The following DRC11 variants were observed in gnomAD, a reference collection of about 807,000 sequenced individuals.
The protein encoded by DRC11 is IQ and AAA domain-containing protein 1.
At chr2:236,331,328 C>T in the DRC11 span, 1 of 1,490,988 alleles carries the variant, frequency 6.7e-7, no homozygotes. The surrounding 1 kb of genome is among the most constrained non-coding windows in gnomAD (Gnocchi z 4.8). Flanking sequence ...GTGTCTGCTG[C>T]TAAGACTTGG....
At chr2:236,408,979 T>C in the DRC11 span, 14 of 708,218 alleles carry the variant, frequency 2.0e-5, no homozygotes, top group Non-Finnish European at 3.7e-5. The surrounding 1 kb of genome is among the most constrained non-coding windows in gnomAD (Gnocchi z 5.5). Flanking sequence ...GGGTCATCCT[T>C]AGGGCAGCTC....
At chr2:236,368,261 G>A in the DRC11 span, 2 of 1,608,642 alleles carry the variant, frequency 1.2e-6, no homozygotes, top group Non-Finnish European at 1.7e-6. Context: ...TGGGTTCTAT[G>A]GACACCTGGC....
the DRC11 span, among the ~76,000 whole-genome samples, chr2:236,460,263 G>A: frequency 6.6e-6 from 1 of 152,150 alleles, no homozygotes; most frequent in Non-Finnish European, 1.5e-5. This position sits in a 1 kb window ranked among gnomAD's most constrained non-coding sequence, Gnocchi z 4.0. Context: ...AAACTGTCAG[G>A]TCAAGGACAC....
At chr2:236,507,224 C>T in the DRC11 span, 1 of 1,612,974 alleles carries the variant, frequency 6.2e-7, no homozygotes, top group Non-Finnish European at 8.5e-7. Context: ...GGGAAGCCCA[C>T]TCCATGGCTG....
At chr2:236,466,346 C>A in the DRC11 span, among the ~76,000 whole-genome samples, 1 of 152,146 alleles carries the variant, frequency 6.6e-6, no homozygotes, top group Admixed American at 6.5e-5. Context: ...ATATCATAGA[C>A]TGCAATTAAT....
At chr2:236,391,226 C>T in the DRC11 span, 1 of 152,174 alleles carries the variant, frequency 6.6e-6, no homozygotes, top group Non-Finnish European at 1.5e-5. The surrounding 1 kb of genome is among the most constrained non-coding windows in gnomAD (Gnocchi z 4.5). Flanking sequence ...GCCAGTCATC[C>T]TAAAAAGACC....
chr2:236,331,660 C>T, the DRC11 span: 15 of 1,249,086 alleles, frequency 1.2e-5, no homozygotes, highest in Non-Finnish European at 1.6e-5. This position sits in a 1 kb window ranked among gnomAD's most constrained non-coding sequence, Gnocchi z 4.8. Flanking sequence ...TGCCAGTTTC[C>T]CTCTCGGTTG....
the DRC11 span, among the ~76,000 whole-genome samples, chr2:236,376,852 T>A: frequency 6.6e-6 from 1 of 152,196 alleles, no homozygotes; most frequent in Non-Finnish European, 1.5e-5. This position sits in a 1 kb window ranked among gnomAD's most constrained non-coding sequence, Gnocchi z 5.7. Context: ...ACCTTGCTAG[T>A]AGGTTAAAAA....
the DRC11 span, among the ~76,000 whole-genome samples, chr2:236,337,751 G>A: frequency 1.4e-4 from 21 of 151,810 alleles, no homozygotes; most frequent in East Asian, 5.8e-4. This position sits in a 1 kb window ranked among gnomAD's most constrained non-coding sequence, Gnocchi z 4.9. Context: ...GTAAGCTCTC[G>A]TTGTATTTTA....
At chr2:236,402,475 G>A in the DRC11 span, among the ~76,000 whole-genome samples, 1 of 152,230 alleles carries the variant, frequency 6.6e-6, no homozygotes, top group Admixed American at 6.5e-5. The surrounding 1 kb of genome is among the most constrained non-coding windows in gnomAD (Gnocchi z 6.0). Context: ...CAAGGAAGAC[G>A]CAGGAAATGG....
At chr2:236,391,884 G>A in the DRC11 span, 3 of 1,025,366 alleles carry the variant, frequency 2.9e-6, no homozygotes, top group South Asian at 4.0e-5. The surrounding 1 kb of genome is among the most constrained non-coding windows in gnomAD (Gnocchi z 4.5). Context: ...GCAACAGGCG[G>A]CCCTCCTGGA....
chr2:236,355,147 G>A, the DRC11 span, among the ~76,000 whole-genome samples: 16 of 152,358 alleles, frequency 1.1e-4, no homozygotes, highest in Admixed American at 9.1e-4. Context: ...TCCAGGCAGG[G>A]GAAACAATGG....
At chr2:236,357,490 T>C in the DRC11 span, among the ~76,000 whole-genome samples, 179 of 127,414 alleles carry the variant, frequency 1.4e-3, 2 homozygotes, top group African/African-American at 5.3e-3. Context: ...TTATATATTA[T>C]AAATACATAT....
chr2:236,400,646 G>A, the DRC11 span, among the ~76,000 whole-genome samples: 1 of 152,206 alleles, frequency 6.6e-6, no homozygotes, highest in Non-Finnish European at 1.5e-5. This position sits in a 1 kb window ranked among gnomAD's most constrained non-coding sequence, Gnocchi z 7.9. Flanking sequence ...TCTCTATGCA[G>A]TGACAGGAGG....
At chr2:236,496,807 G>A in the DRC11 span, among the ~76,000 whole-genome samples, 1 of 152,196 alleles carries the variant, frequency 6.6e-6, no homozygotes, top group African/African-American at 2.4e-5. This position sits in a 1 kb window ranked among gnomAD's most constrained non-coding sequence, Gnocchi z 6.3. Flanking sequence ...TGGAAACAGA[G>A]GAGCGGGCGC....
the DRC11 span, among the ~76,000 whole-genome samples, chr2:236,373,279 C>T: frequency 5.9e-3 from 855 of 145,094 alleles, 9 homozygotes; most frequent in African/African-American, 0.02. Context: ...TTTTTTGCGA[C>T]GGAGTCCCGC....
At chr2:236,497,491 G>C in the DRC11 span, 3 of 1,586,246 alleles carry the variant, frequency 1.9e-6, no homozygotes, top group Non-Finnish European at 2.6e-6. This position sits in a 1 kb window ranked among gnomAD's most constrained non-coding sequence, Gnocchi z 5.1. Context: ...ATACATTCTG[G>C]GGGAAGAGAG....
At chr2:236,341,549 G>A in the DRC11 span, among the ~76,000 whole-genome samples, 1 of 152,174 alleles carries the variant, frequency 6.6e-6, no homozygotes, top group Non-Finnish European at 1.5e-5. Flanking sequence ...TGTGCAGGAG[G>A]ACAGAGAATT....
chr2:236,373,476 C>T, the DRC11 span, among the ~76,000 whole-genome samples: 17 of 152,216 alleles, frequency 1.1e-4, no homozygotes, highest in East Asian at 3.1e-3. Context: ...GTCTGGAACT[C>T]CTGACCTCCA....
Sources: gnomAD v4.1 joint callset for allele counts (sites outside exome capture counted in the v4.1 genomes callset) on GRCh38, gnomAD v4.1.1 for gene constraint, Gnocchi (gnomAD v3.1) non-coding constraint, MANE v1.5 for transcripts, NCBI Gene and HGNC (gene_info 2026-07-23, HGNC 2026-07-21) for gene names.